Variants in SLCO2A1 observed in about 807,000 individuals in gnomAD.
SLCO2A1 encodes the protein matrin F/G 1.
SLCO2A1 carries 60 observed loss-of-function variants against 71.7 expected under a neutral mutation model. The ratio of observed to expected loss-of-function variants is 0.84; its 90% CI spans 0.68 to 1.04. SLCO2A1 has a LOEUF of 1.04. Among genes scored for constraint, SLCO2A1 ranks in the 50% least tolerant of loss-of-function variants. The pLI, the probability that SLCO2A1 is intolerant of heterozygous loss-of-function variation, is 0.00. For missense variants in SLCO2A1, 745 were observed against 813.4 expected (o/e 0.92, Z 1.02); for synonymous variants, 308 against 326.7 (o/e 0.94, Z 0.62).
intron 2 of SLCO2A1, among the ~76,000 whole-genome samples, chr3:133,977,802 G>A (rs935646249): frequency 6.6e-6 from 1 of 152,120 alleles, no homozygotes; most frequent in African/African-American, 2.4e-5. Flanking sequence ...ATCGATGAGG[G>A]TCATTCTGTG....
intron 4 of SLCO2A1, 39 bp from the exon 5 acceptor site, chr3:133,953,800 G>T (rs757526370): frequency 1.9e-6 from 3 of 1,561,160 alleles, no homozygotes; most frequent in Non-Finnish European, 2.6e-6. Flanking sequence ...TGAGATAAAT[G>T]GAGAGAGTTT....
At chr3:133,983,749 C>T (rs1219974551) in intron 1 of SLCO2A1, among the ~76,000 whole-genome samples, 2 of 152,206 alleles carry the variant, frequency 1.3e-5, no homozygotes, top group African/African-American at 4.8e-5. Context: ...TGTACAGAAG[C>T]ATCTGAAGGA....
chr3:134,000,226 G>T (rs754021340), intron 1 of SLCO2A1, among the ~76,000 whole-genome samples: 21 of 152,194 alleles, frequency 1.4e-4, no homozygotes, highest in Non-Finnish European at 2.5e-4. Context: ...CTGTGGGGCT[G>T]GGAGACCAAG....
chr3:134,013,127 T>G (rs1359656089), intron 1 of SLCO2A1, among the ~76,000 whole-genome samples: 1 of 152,160 alleles, frequency 6.6e-6, no homozygotes, highest in African/African-American at 2.4e-5. Context: ...CCAGTAGATA[T>G]TCAATAAATG....
chr3:134,000,779 T>C (rs998059741), intron 1 of SLCO2A1, among the ~76,000 whole-genome samples: 4 of 152,190 alleles, frequency 2.6e-5, no homozygotes, highest in African/African-American at 9.6e-5. Flanking sequence ...CTTTACACAA[T>C]GTTGGAGCTC....
At chr3:133,957,112 A>T (rs1052226531) in intron 3 of SLCO2A1, among the ~76,000 whole-genome samples, 1 of 152,216 alleles carries the variant, frequency 6.6e-6, no homozygotes, top group African/African-American at 2.4e-5. Context: ...TAGGCCTGCA[A>T]CAGTGGAGCT....
rs191541540 is a variant in SLCO2A1, at chr3:134,000,454, A to G, written c.97-20836T>C. 1.7e-3 allele frequency among the ~76,000 whole-genome samples: 252 copies of G among 152,270 alleles called. 1 individual carries two copies. The highest frequency in any genetic ancestry group is 5.7e-3 in the African/African-American group (236 of 41,548). ...AGGCACCTTCTGACCACCTAGGGCA[A>G]TAAGACCAGTTCTCTCCAGCCTCGT... On this transcript the variant is annotated intron_variant, in intron 1 of 13. Coordinates refer to ENST00000310926, the MANE Select transcript of SLCO2A1 (RefSeq NM_005630.3).
At position 133,941,852 on chromosome 3, in the gene SLCO2A1, C is replaced by A. The variant is rs545945074; in HGVS notation, c.1625+753G>T. ...TTGGTTTTATGCATCCAACTAAATT[C>A]TCTTTGCTCTTCTCATTTCTTTTAG... On this transcript the variant is annotated intron_variant, in intron 11 of 13. Coordinates refer to ENST00000310926, the MANE Select transcript of SLCO2A1 (RefSeq NM_005630.3). Among the ~76,000 whole-genome samples, 5 of 152,300 alleles carry A rather than the reference C, an allele frequency of 3.3e-5. No homozygotes were observed. In the South Asian group the frequency reaches 6.2e-4, roughly 19 times the overall value.
intron 1 of SLCO2A1, among the ~76,000 whole-genome samples, chr3:134,015,442 T>C (rs1303279699): frequency 3.1e-5 from 1 of 32,646 alleles, no homozygotes; most frequent in African/African-American, 1.2e-4. Context: ...GGGGGTGGGG[T>C]GGGAGGGGGG....
At chr3:133,954,454 G>A (rs1025753668) in intron 4 of SLCO2A1, among the ~76,000 whole-genome samples, 6 of 152,148 alleles carry the variant, frequency 3.9e-5, no homozygotes, top group African/African-American at 7.2e-5. Context: ...GAGCCACCAC[G>A]CCCGTCCCAA....
chr3:134,021,432 C>T (rs1004705472), intron 1 of SLCO2A1, among the ~76,000 whole-genome samples: 49 of 152,110 alleles, frequency 3.2e-4, no homozygotes, highest in Admixed American at 9.2e-4. Context: ...CCCAAGGTAA[C>T]CTGTAAGCCA....
intron 3 of SLCO2A1, among the ~76,000 whole-genome samples, chr3:133,958,453 G>A (rs1348412056): frequency 6.6e-6 from 1 of 152,210 alleles, no homozygotes; most frequent in Non-Finnish European, 1.5e-5. Flanking sequence ...GTGGGTAAGA[G>A]TTTATATGCA....
intron 1 of SLCO2A1, among the ~76,000 whole-genome samples, chr3:133,992,847 T>C (rs1258636171): frequency 6.6e-6 from 1 of 152,204 alleles, no homozygotes; most frequent in African/African-American, 2.4e-5. Flanking sequence ...TTAAATCCCC[T>C]GCATTTGCCA....
chr3:134,008,353 T>C (rs544913688), intron 1 of SLCO2A1, among the ~76,000 whole-genome samples: 13 of 152,356 alleles, frequency 8.5e-5, no homozygotes, highest in East Asian at 3.9e-4. Flanking sequence ...CAGTGGTTGA[T>C]GACAGGAGGT....
chr3:133,949,841 T>G (rs573081893), intron 6 of SLCO2A1, among the ~76,000 whole-genome samples: 9 of 152,236 alleles, frequency 5.9e-5, no homozygotes, highest in African/African-American at 1.9e-4. Flanking sequence ...ATTTTTATTT[T>G]TTTAGAGACA....
chr3:133,945,143 A>T lies in SLCO2A1; in HGVS notation c.1413T>A (p.His471Gln). 1 of 1,614,070 alleles carries T rather than the reference A, an allele frequency of 6.2e-7. No individual in the cohort carries two copies. Among genetic ancestry groups the T allele is most frequent in the South Asian group, 1.1e-5 (1 of 91,080 alleles). ...DNGIEYLSPC[H>Q]AGCSNINMSS... ...TCATGTTGATGTTGCTGCAGCCGGC[A>T]TGGCAAGGGGAGAGGTACTCGATTC... Residue 471 changes from histidine to glutamine, a missense_variant, in exon 10 of 14, where the codon CAT becomes CAA. His to Gln is a conservative substitution (Grantham distance 24, BLOSUM62 0). Coordinates refer to ENST00000310926, the MANE Select transcript of SLCO2A1 (RefSeq NM_005630.3).
At chr3:134,017,597 G>T (rs1473695813) in intron 1 of SLCO2A1, among the ~76,000 whole-genome samples, 4 of 152,188 alleles carry the variant, frequency 2.6e-5, no homozygotes, top group African/African-American at 9.7e-5. Context: ...GGGCTCATTT[G>T]CCCTGGGAGT....
At chr3:133,960,417 T>C (rs898209668) in intron 3 of SLCO2A1, among the ~76,000 whole-genome samples, 4 of 152,178 alleles carry the variant, frequency 2.6e-5, no homozygotes, top group Non-Finnish European at 5.9e-5. Context: ...AGATGAGCCT[T>C]GAGGACATTA....
chr3:134,012,697 A>G (rs1163371476), intron 1 of SLCO2A1, among the ~76,000 whole-genome samples: 1 of 152,208 alleles, frequency 6.6e-6, no homozygotes, highest in Non-Finnish European at 1.5e-5. Context: ...GAAACCAGAG[A>G]GGGAAATGAG....
Sources: allele counts gnomAD v4.1 joint callset (sites outside exome capture counted in the v4.1 genomes callset), GRCh38; gene constraint gnomAD v4.1.1; transcripts MANE v1.5; gene names NCBI Gene and HGNC (gene_info 2026-07-23, HGNC 2026-07-21).